Variants in FUT8 observed in about 807,000 individuals in gnomAD.
FUT8 encodes alpha-(1,6)-fucosyltransferase.
FUT8 carries 29 observed loss-of-function variants against 71.3 expected under a neutral mutation model. The observed-to-expected ratio is 0.41, with a 90% CI of 0.30 to 0.55. The LOEUF (loss-of-function observed/expected upper bound fraction) is 0.55. Ranked by LOEUF, FUT8 falls within the 20% of genes least tolerant of loss-of-function variation. The pLI is 0.34. For synonymous variants in FUT8, 254 were observed against 239.3 expected (o/e 1.06, Z -0.57); for missense variants, 544 against 702.1 (o/e 0.77, Z 2.55).
In FUT8 at chr14:65,638,514, A is replaced by AT. The variant is rs770322433; in HGVS notation, c.597+8916dup. ...TTTCACTTTTTAAATGAGGATAGGG[A>AT]TTTTTTTTCATTCAAAAATAAGTTT... On this transcript the variant is annotated intron_variant, in intron 6 of 10. Coordinates refer to ENST00000673929, the MANE Select transcript of FUT8 (RefSeq NM_001371533.1). The surrounding 1 kb of genome is among the most constrained non-coding windows in gnomAD (Gnocchi z 4.5). Among the ~76,000 whole-genome samples the AT allele has an allele frequency of 3.9e-5, 6 of 151,924 alleles. No homozygotes were observed. The highest frequency in any genetic ancestry group is 1.2e-4 in the African/African-American group (5 of 41,424).
At chr14:65,510,539 A>C (rs538823589) in intron 2 of FUT8, among the ~76,000 whole-genome samples, 1 of 152,226 alleles carries the variant, frequency 6.6e-6, no homozygotes, top group South Asian at 2.1e-4. Context: ...AGAATTCAAC[A>C]GTGTAACCAT....
intron 3 of FUT8, among the ~76,000 whole-genome samples, chr14:65,615,169 T>A (rs529034941): frequency 6.6e-6 from 1 of 152,324 alleles, no homozygotes; most frequent in Admixed American, 6.5e-5. Flanking sequence ...TGATCATAGT[T>A]CATTGTAATC....
chr14:65,512,873 A>G (rs1004221146), intron 2 of FUT8, among the ~76,000 whole-genome samples: 8 of 144,392 alleles, frequency 5.5e-5, no homozygotes, highest in African/African-American at 2.1e-4. Flanking sequence ...ACGCCACTGC[A>G]CTCCAGCCTG....
chr14:65,526,815 C>T (rs1883504561), intron 2 of FUT8, among the ~76,000 whole-genome samples: 1 of 152,148 alleles, frequency 6.6e-6, no homozygotes, highest in South Asian at 2.1e-4. Flanking sequence ...TTCTCCTTCA[C>T]TTATGAAGCT....
intron 2 of FUT8, among the ~76,000 whole-genome samples, chr14:65,530,828 T>C (rs1883904608): frequency 6.6e-6 from 1 of 150,472 alleles, no homozygotes; most frequent in South Asian, 2.1e-4. Flanking sequence ...TCTCTCTCTC[T>C]CTCCCTCCCT....
intron 2 of FUT8, among the ~76,000 whole-genome samples, chr14:65,474,441 G>GAAAAAGAAAAAAAAAAAAAA (rs2066199880): frequency 2.5e-5 from 1 of 39,698 alleles, no homozygotes; most frequent in African/African-American, 1.0e-4. Context: ...TGTCTCTACT[G>GAAAAAGAAAAAAAAAAAAAA]AAAAAAAAAA....
chr14:65,362,684 C>T, the FUT8 span, among the ~76,000 whole-genome samples: 8 of 152,190 alleles, frequency 5.3e-5, no homozygotes, highest in African/African-American at 1.9e-4. Context: ...CCTCATTAGC[C>T]GGGCGTGGTG....
chr14:65,713,813 C>G (rs539943221), intron 7 of FUT8, among the ~76,000 whole-genome samples: 1 of 152,116 alleles, frequency 6.6e-6, no homozygotes, highest in Non-Finnish European at 1.5e-5. Context: ...CAAATATTTT[C>G]TCCCATTCTG....
At chr14:65,736,733 G>A (rs190157497) in intron 10 of FUT8, among the ~76,000 whole-genome samples, 1,601 of 152,080 alleles carry the variant, frequency 0.011, 15 homozygotes, top group Non-Finnish European at 0.017. Context: ...ATCCAGAAGA[G>A]TGACAGAAGA....
chr14:65,589,038 C>A (rs1258329660), intron 3 of FUT8, among the ~76,000 whole-genome samples: 2 of 152,132 alleles, frequency 1.3e-5, no homozygotes, highest in Non-Finnish European at 2.9e-5. Flanking sequence ...CTTTTACTTT[C>A]CTCCTCTTTC....
rs1268559371 is a variant in FUT8, at chr14:65,643,683, C to T, written c.597+14077C>T. On this transcript the variant is annotated intron_variant, in intron 6 of 10. Transcript: ENST00000673929. The surrounding 1 kb of genome is among the most constrained non-coding windows in gnomAD (Gnocchi z 4.5). ...AAAAAAATACACACACACACACACACACACACACACACACACACACACACA... is the reference window on the plus strand; with the variant it reads ...AAAAAAATACACACACACACACACATACACACACACACACACACACACACA... 2.1e-5 allele frequency among the ~76,000 whole-genome samples: 3 copies of T among 143,794 alleles called. No individual in the cohort carries two copies. Among genetic ancestry groups the T allele is most frequent in the Admixed American group, 1.3e-4 (2 of 14,832 alleles). 94.3% of individuals were successfully genotyped at this position (143,794 alleles called of 152,430 possible).
intron 1 of FUT8, among the ~76,000 whole-genome samples, chr14:65,440,195 A>G (rs2065632838): frequency 6.6e-6 from 1 of 151,840 alleles, no homozygotes; most frequent in Non-Finnish European, 1.5e-5. Context: ...GATTACCAGG[A>G]GCTGTCAGCT....
chr14:65,534,251 T>C (rs1040455127), intron 2 of FUT8, among the ~76,000 whole-genome samples: 1 of 152,160 alleles, frequency 6.6e-6, no homozygotes, highest in African/African-American at 2.4e-5. Flanking sequence ...ACCTCCTGAA[T>C]AGCTGAGACT....
chr14:65,535,452 A>T (rs1399043732), intron 2 of FUT8, among the ~76,000 whole-genome samples: 2 of 152,092 alleles, frequency 1.3e-5, no homozygotes, highest in Non-Finnish European at 2.9e-5. Context: ...CTCCCATAAC[A>T]CTGCCTTAGC....
chr14:65,578,531 T>C (rs920902126), intron 3 of FUT8, among the ~76,000 whole-genome samples: 5 of 152,204 alleles, frequency 3.3e-5, no homozygotes, highest in African/African-American at 4.8e-5. Flanking sequence ...TCGTAAACTT[T>C]CTTAAAACGT....
chr14:65,611,730 G>A (rs73286169), intron 3 of FUT8, among the ~76,000 whole-genome samples: 18,858 of 151,958 alleles, frequency 0.12, 1,512 homozygotes, highest in East Asian at 0.38. Flanking sequence ...GCGTGATCTC[G>A]ACTCACTGCA....
chr14:65,729,600 C>T (rs780473518), intron 9 of FUT8, among the ~76,000 whole-genome samples: 10 of 151,586 alleles, frequency 6.6e-5, no homozygotes, highest in Non-Finnish European at 1.2e-4. Context: ...ACGGTAGCCT[C>T]GACCTCCTGG....
At chr14:65,740,142 G>A (rs373527374) in intron 10 of FUT8, among the ~76,000 whole-genome samples, 4 of 151,684 alleles carry the variant, frequency 2.6e-5, no homozygotes, top group Middle Eastern at 3.4e-3. Context: ...TTATAGTCTC[G>A]GTATTCTACC....
intron 3 of FUT8, among the ~76,000 whole-genome samples, chr14:65,593,163 T>C (rs1284850180): frequency 2.6e-5 from 4 of 152,234 alleles, no homozygotes; most frequent in Non-Finnish European, 5.9e-5. Flanking sequence ...TTTTACCTTA[T>C]TTTCTGAATT....
Sources: allele counts gnomAD v4.1 joint callset (sites outside exome capture counted in the v4.1 genomes callset), GRCh38; gene constraint gnomAD v4.1.1; non-coding constraint Gnocchi (gnomAD v3.1); transcripts MANE v1.5; gene names NCBI Gene and HGNC (gene_info 2026-07-23, HGNC 2026-07-21).